Variants in PLEKHG4 observed in about 807,000 individuals in gnomAD.
PLEKHG4 encodes pleckstrin homology and RhoGEF domain containing G4.
In PLEKHG4, 85 loss-of-function variants were observed where a neutral mutation model predicts 136.9. The ratio of observed to expected loss-of-function variants is 0.62; its 90% CI spans 0.52 to 0.74. The LOEUF (loss-of-function observed/expected upper bound fraction) is 0.74, where lower values mean the gene tolerates loss of function less well. Ranked by LOEUF, PLEKHG4 falls within the 30% of genes least tolerant of loss-of-function variation. The pLI is 0.00. For missense variants in PLEKHG4, 1,317 were observed against 1,527.8 expected (o/e 0.86, Z 2.30); for synonymous variants, 577 against 646.9 (o/e 0.89, Z 1.64).
chr16:67,287,149 GC>G lies in PLEKHG4; in HGVS notation c.3076del (p.Leu1026PhefsTer45), dbSNP rs767038302. ...CCTGGACAGCTGACATCTCCCACCT[GC>G]TTTGGAGGCAGGCCGTCCACAACAA... ...QAWTADISHL[L>X]WRQAVHNKEV... is the part of the protein sequence containing the mutation. On this transcript the variant is annotated frameshift_variant, in exon 18 of 22. Transcript: ENST00000379344. LOFTEE classifies it high-confidence loss of function. The G allele has an allele frequency of 5.6e-6, 9 of 1,610,146 alleles. No homozygotes were observed. In the African/African-American group the frequency reaches 1.2e-4, roughly 21 times the overall value.
Position 67,284,002 on chromosome 16 carries a change from G to C in PLEKHG4, c.1510-273G>C, listed in dbSNP as rs1175778093. Among the ~76,000 whole-genome samples, 1 of 152,114 alleles carries C rather than the reference G, an allele frequency of 6.6e-6. No homozygotes were observed. The highest frequency in any genetic ancestry group is 1.5e-5 in the Non-Finnish European group (1 of 68,012). On this transcript the variant is annotated intron_variant, in intron 11 of 21. Transcript: ENST00000379344. The surrounding 1 kb of genome is among the most constrained non-coding windows in gnomAD (Gnocchi z 4.4). ...TGAATGACGCTGAGAGTTGGAGTCA[G>C]TGAGGCCTGAGAAGCGCTGGGGACG...
chr16:67,285,048 C>T lies in PLEKHG4; in HGVS notation c.2028C>T (p.Tyr676=). The change falls in exon 13 of 22, where the codon TAC becomes TAT. Residue 676 remains tyrosine, a synonymous_variant. Transcript: ENST00000379344. The part of the protein sequence containing the change: ...APAHPPLRKA[Y]SFDRNLGQSL... ...CCCACCCTCCCCTGAGGAAGGCCTA[C>T]AGCTTCGATCGGAATCTGGGGCAGA... The T allele has an allele frequency of 1.2e-6, 2 of 1,613,624 alleles. No homozygotes were observed. Among genetic ancestry groups the T allele is most frequent in the Non-Finnish European group, 1.7e-6 (2 of 1,180,022 alleles).
At position 67,280,987 on chromosome 16, in the gene PLEKHG4, A is replaced by AC. The variant is rs756712177; in HGVS notation, c.703dup (p.Leu235ProfsTer19). 8.7e-6 allele frequency: 14 copies of AC among 1,613,834 alleles called. No homozygotes were observed. The highest frequency in any genetic ancestry group is 1.2e-5 in the Non-Finnish European group (14 of 1,179,914). ...CAGGAACTCATCCGCCTCCTGCTGT[A>AC]CCTGCGAAGCATCCCCAGGTTTGAG... On this transcript the variant is annotated frameshift_variant, in exon 4 of 22. Coordinates refer to ENST00000379344, the MANE Select transcript of PLEKHG4 (RefSeq NM_001129729.3). LOFTEE classifies it high-confidence loss of function. The surrounding 1 kb of genome is among the most constrained non-coding windows in gnomAD (Gnocchi z 4.4).
intron 1 of PLEKHG4, 68 bp from the exon 2 acceptor site, chr16:67,279,808 G>C: frequency 3.6e-6 from 2 of 551,686 alleles, no homozygotes; most frequent in Non-Finnish European, 6.5e-6. Flanking sequence ...GCACGGAGCA[G>C]AGGCCCACGG....
At position 67,288,315 on chromosome 16, in the gene PLEKHG4, G is replaced by C. The variant is rs372867142; in HGVS notation, c.3369G>C (p.Leu1123=). Residue 1123 remains leucine, a synonymous_variant, in exon 20 of 22, where the codon CTG becomes CTC. Coordinates refer to ENST00000379344, the MANE Select transcript of PLEKHG4 (RefSeq NM_001129729.3). ...NLHLYRDPAL[L]GLRCPLYPSF... ...ACCTGTACAGAGACCCAGCTCTTCT[G>C]GGTCTCCGCTGTCCCCTGTATCCCA... 1 of 1,612,394 alleles carries C rather than the reference G, an allele frequency of 6.2e-7. No homozygotes were observed. The highest frequency in any genetic ancestry group is 8.5e-7 in the Non-Finnish European group (1 of 1,179,990).
In PLEKHG4 at chr16:67,282,190, C is replaced by G. The variant is rs750422615; in HGVS notation, c.1105-11C>G. On this transcript the variant is annotated splice_polypyrimidine_tract_variant and intron_variant, in intron 8 of 21. Transcript: ENST00000379344. ...ATGGCCACCTCCACAGCTTATTGCC[C>G]TCAATCACAGGAGGTCGGTCAGCTG... 6 of 1,613,620 alleles carry G rather than the reference C, an allele frequency of 3.7e-6. No individual in the cohort carries two copies. In the East Asian group the frequency reaches 1.3e-4, roughly 36 times the overall value.
chr16:67,281,285 G>T, intron 5 of PLEKHG4, 101 bp downstream of exon 5: 3 of 901,580 alleles, frequency 3.3e-6, no homozygotes, highest in Non-Finnish European at 5.4e-6. Context: ...GTGCAGTGGC[G>T]CAATCTTGGC....
chr16:67,283,461 G>A (rs185143174), intron 11 of PLEKHG4, among the ~76,000 whole-genome samples: 53 of 152,298 alleles, frequency 3.5e-4, no homozygotes, highest in Admixed American at 3.3e-3. Flanking sequence ...TGGAGGATGG[G>A]CATGGGGAGT....
At position 67,280,727 on chromosome 16, in the gene PLEKHG4, C is replaced by T. The variant is rs761128984; in HGVS notation, c.516C>T (p.Gly172=). The T allele has an allele frequency of 6.2e-6, 10 of 1,614,108 alleles. No homozygotes were observed. The Admixed American group carries it at 1.7e-4, about 27-fold the overall frequency. The change falls in exon 3 of 22, where the codon GGC becomes GGT. Residue 172 remains glycine, a synonymous_variant. Transcript: ENST00000379344. This position sits in a 1 kb window ranked among gnomAD's most constrained non-coding sequence, Gnocchi z 4.4. Reference sequence around the variant, plus strand: ...CTTCCCAAGCCCCCAGTGGATCCGGCCTCCCTAAGCCTGCTGACTGCCTCC... The same window carrying T: ...CTTCCCAAGCCCCCAGTGGATCCGGTCTCCCTAAGCCTGCTGACTGCCTCC... ...KLLEAAPSGS[G]LPKPADCLLA... is the part of the protein sequence containing the mutation.
At chr16:67,279,044 G>T (rs1446627614), upstream of PLEKHG4, 4 of 152,114 alleles carry the variant, frequency 2.6e-5, no homozygotes, top group African/African-American at 9.7e-5. Flanking sequence ...GCAGCACCCC[G>T]CTTCCCTACA....
Position 67,284,832 on chromosome 16 carries a change from C to G in PLEKHG4, c.1812C>G (p.Ala604=). The change falls in exon 13 of 22, where the codon GCC becomes GCG. Residue 604 remains alanine, a synonymous_variant. Coordinates refer to ENST00000379344, the MANE Select transcript of PLEKHG4 (RefSeq NM_001129729.3). The surrounding 1 kb of genome is among the most constrained non-coding windows in gnomAD (Gnocchi z 4.4). ...CCAGGCACCCTGACTTGCCTCCTGC[C>G]CACTTCCGAAAGATGTGGGCTCTGG... ...HWTRHPDLPP[A]HFRKMWALAT... 6.2e-7 allele frequency: 1 copy of G among 1,613,376 alleles called. No homozygotes were observed. The highest frequency in any genetic ancestry group is 8.5e-7 in the Non-Finnish European group (1 of 1,179,814).
chr16:67,280,871 C>A lies in PLEKHG4; in HGVS notation c.596-11C>A. ...CCAATACGGCAGGAGTTCACTGCTT[C>A]CTCCCCACAGGGACTCGGGATGTCC... On this transcript the variant is annotated splice_polypyrimidine_tract_variant and intron_variant, in intron 3 of 21. Transcript: ENST00000379344. The surrounding 1 kb of genome is among the most constrained non-coding windows in gnomAD (Gnocchi z 4.4). 1 of 1,613,124 alleles carries A rather than the reference C, an allele frequency of 6.2e-7. No individual in the cohort carries two copies. Among genetic ancestry groups the A allele is most frequent in the Non-Finnish European group, 8.5e-7 (1 of 1,180,034 alleles).
In PLEKHG4 at chr16:67,284,907, G is replaced by A; in HGVS notation, c.1887G>A (p.Trp629Ter). 1 of 1,612,730 alleles carries A rather than the reference G, an allele frequency of 6.2e-7. No homozygotes were observed. The change falls in exon 13 of 22, where the codon TGG becomes TGA. Residue 629 changes from tryptophan to a stop codon, truncating the protein, a stop_gained. Transcript: ENST00000379344. LOFTEE classifies it high-confidence loss of function. The surrounding 1 kb of genome is among the most constrained non-coding windows in gnomAD (Gnocchi z 4.4). ...TCCGCCAGGAGTGCCGCTGGGCCTG[G>A]GCGCGGTGCCAGGACACCTGGCTGG... The part of the protein sequence containing the change: ...EAIRQECRWA[W>*]ARCQDTWLAL...
Position 67,286,463 on chromosome 16 carries a change from G to T in PLEKHG4, c.2551G>T (p.Gly851Trp). ...TFFKDKQQAL[G>W]DHLDLASYLL... is the part of the protein sequence containing the mutation. ...CCCACAGGACAAGCAGCAAGCACTG[G>T]GGGACCACCTGGACCTGGCCTCCTA... Residue 851 changes from glycine (G) to tryptophan (W), a missense_variant, in exon 16 of 22, where the codon GGG (glycine) becomes TGG (tryptophan). Gly to Trp is a radical substitution (Grantham distance 184). Transcript: ENST00000379344. 6.2e-7 allele frequency: 1 copy of T among 1,611,264 alleles called. No homozygotes were observed. Among genetic ancestry groups the T allele is most frequent in the South Asian group, 1.1e-5 (1 of 90,632 alleles).
intron 14 of PLEKHG4, 88 bp downstream of exon 14, chr16:67,285,624 C>T: frequency 6.7e-7 from 1 of 1,482,938 alleles, no homozygotes; most frequent in Non-Finnish European, 9.3e-7. Context: ...AGTCCCTGTG[C>T]TATGAGTATA....
chr16:67,285,042 G>A lies in PLEKHG4; in HGVS notation c.2022G>A (p.Lys674=), dbSNP rs1403053195. ...PAAPAHPPLR[K]AYSFDRNLGQ... is the part of the protein sequence containing the mutation. ...CACCTGCCCACCCTCCCCTGAGGAAGGCCTACAGCTTCGATCGGAATCTGG... is the reference window on the plus strand; with the variant it reads ...CACCTGCCCACCCTCCCCTGAGGAAAGCCTACAGCTTCGATCGGAATCTGG... The change falls in exon 13 of 22, where the codon AAG becomes AAA. Residue 674 remains lysine, a synonymous_variant. Transcript: ENST00000379344. 5 of 1,613,630 alleles carry A rather than the reference G, an allele frequency of 3.1e-6. No homozygotes were observed. Among genetic ancestry groups the A allele is most frequent in the Non-Finnish European group, 4.2e-6 (5 of 1,180,016 alleles).
Position 67,286,755 on chromosome 16 carries a change from C to T in PLEKHG4, c.2761C>T (p.Leu921Phe), listed in dbSNP as rs757510920. The change falls in exon 17 of 22, where the codon CTC becomes TTC. Residue 921 changes from leucine to phenylalanine, a missense_variant. Coordinates refer to ENST00000379344, the MANE Select transcript of PLEKHG4 (RefSeq NM_001129729.3). The stretch of plus-strand genomic sequence containing the variant: ...CCAGCCCCCAACTCTGCAGGTTAAC[C>T]TCAAGGAACAGGGGCAGCTGGTGCG... ...MDAIQGCDVN[L>F]KEQGQLVRQD... is the part of the protein sequence containing the mutation. The T allele has an allele frequency of 6.2e-7, 1 of 1,613,934 alleles. No individual in the cohort carries two copies. Among genetic ancestry groups the T allele is most frequent in the Non-Finnish European group, 8.5e-7 (1 of 1,179,860 alleles).
rs1455898286 is a variant in PLEKHG4 at position 67,288,031 on chromosome 16, A to G, written c.3220+17A>G. On this transcript the variant is annotated intron_variant, in intron 19 of 21. Transcript: ENST00000379344. ...AGTGCCGAGGTAGCAGGCAGGCTAC[A>G]GGGTGTGGGGGTGGGAGTAGGAAAG... The G allele has an allele frequency of 7.8e-6, 12 of 1,531,098 alleles. No homozygotes were observed. The highest frequency in any genetic ancestry group is 1.4e-5 in the African/African-American group (1 of 73,270). 94.8% of individuals were successfully genotyped at this position (1,531,098 alleles called of 1,614,324 possible).
rs753603363 is a variant in PLEKHG4, at chr16:67,280,975, G to A, written c.689G>A (p.Arg230His). The stretch of plus-strand genomic sequence containing the variant: ...GAGTGCAGCAGCCAGGAACTCATCC[G>A]CCTCCTGCTGTACCTGCGAAGCATC... The part of the protein sequence containing the change: ...QSECSSQELI[R>H]LLLYLRSIPR... Residue 230 changes from arginine (R) to histidine (H), a missense_variant, in exon 4 of 22, where the codon CGC (arginine) becomes CAC (histidine). By Grantham distance (29) the Arg-to-His change is conservative (BLOSUM62 0). Coordinates refer to ENST00000379344, the MANE Select transcript of PLEKHG4 (RefSeq NM_001129729.3). The surrounding 1 kb of genome is among the most constrained non-coding windows in gnomAD (Gnocchi z 4.4). 34 of 1,613,512 alleles carry A rather than the reference G, an allele frequency of 2.1e-5. No individual in the cohort carries two copies. In the East Asian group the frequency reaches 3.8e-4, roughly 18 times the overall value.
Sources: allele counts gnomAD v4.1 joint callset (sites outside exome capture counted in the v4.1 genomes callset), GRCh38; gene constraint gnomAD v4.1.1; non-coding constraint Gnocchi (gnomAD v3.1); transcripts MANE v1.5; gene names NCBI Gene and HGNC (gene_info 2026-07-23, HGNC 2026-07-21).